Variants in FOXP2 observed in about 807,000 individuals in gnomAD.
FOXP2 encodes the protein forkhead box P2, also known as forkhead box protein P2.
FOXP2 carries 12 observed loss-of-function variants against 115.8 expected under a neutral mutation model. That is an observed-to-expected ratio of 0.10 (90% CI 0.07 to 0.17). FOXP2 has a LOEUF of 0.17. Ranked by LOEUF, FOXP2 falls within the 10% of genes least tolerant of loss-of-function variation. The pLI, the probability that FOXP2 is intolerant of heterozygous loss-of-function variation, is 1.00. For synonymous variants in FOXP2, 328 were observed against 297.7 expected (o/e 1.10, Z -1.05); for missense variants, 629 against 843.5 (o/e 0.75, Z 3.15).
intron 3 of FOXP2, among the ~76,000 whole-genome samples, chr7:114,598,319 TGTG>T (rs1401157886): frequency 6.6e-6 from 1 of 151,988 alleles, no homozygotes; most frequent in African/African-American, 2.4e-5. Flanking sequence ...TGAGGATAAA[TGTG>T]GTGCTTTTTT....
intron 1 of FOXP2, among the ~76,000 whole-genome samples, chr7:114,192,453 C>G (rs914654707): frequency 3.9e-5 from 6 of 152,118 alleles, no homozygotes; most frequent in Non-Finnish European, 7.4e-5. Context: ...GTCTCACATT[C>G]TTGTGTAGGT....
chr7:114,389,694 T>G (rs1176082860), intron 2 of FOXP2, among the ~76,000 whole-genome samples: 2 of 152,102 alleles, frequency 1.3e-5, no homozygotes, highest in African/African-American at 4.8e-5. Context: ...ATAATGAGAC[T>G]AAACCATGAA....
intron 10 of FOXP2, among the ~76,000 whole-genome samples, chr7:114,657,858 A>T (rs1351835353): frequency 2.0e-5 from 3 of 152,150 alleles, no homozygotes; most frequent in Admixed American, 6.6e-5. Context: ...ATTGCAGTAG[A>T]TTATTAGATA....
chr7:114,339,436 AGTTC>A (rs1004675967), intron 2 of FOXP2, among the ~76,000 whole-genome samples: 4 of 151,134 alleles, frequency 2.6e-5, no homozygotes, highest in Non-Finnish European at 4.5e-5. Flanking sequence ...TTTTTTTAGA[AGTTC>A]GACAGATGAT....
intron 1 of FOXP2, among the ~76,000 whole-genome samples, chr7:114,125,528 A>G (rs1210927675): frequency 6.6e-6 from 1 of 152,102 alleles, no homozygotes; most frequent in Non-Finnish European, 1.5e-5. Context: ...CCCAGCATAG[A>G]AGTTTTCAGG....
At chr7:114,643,647 G>T (rs543358777) in intron 7 of FOXP2, among the ~76,000 whole-genome samples, 79 of 152,178 alleles carry the variant, frequency 5.2e-4, no homozygotes, top group African/African-American at 1.9e-3. Flanking sequence ...TTGTCCTTTA[G>T]CTCCATTTAT....
chr7:114,228,238 C>T (rs1173188894), intron 1 of FOXP2, among the ~76,000 whole-genome samples: 1 of 151,874 alleles, frequency 6.6e-6, no homozygotes, highest in Non-Finnish European at 1.5e-5. Flanking sequence ...ATGAGTGTTG[C>T]TGGAAAGACC....
chr7:114,386,350 A>G (rs950143502), intron 2 of FOXP2, among the ~76,000 whole-genome samples: 1 of 152,238 alleles, frequency 6.6e-6, no homozygotes, highest in East Asian at 1.9e-4. Context: ...TTTTAAAAAA[A>G]TTTTAAGCTT....
chr7:114,102,357 G>A (rs1790991538), intron 1 of FOXP2, among the ~76,000 whole-genome samples: 1 of 151,848 alleles, frequency 6.6e-6, no homozygotes, highest in African/African-American at 2.4e-5. Flanking sequence ...GACAGGAGTT[G>A]ATGAAATTTT....
At chr7:114,222,333 T>G (rs1794645836) in intron 1 of FOXP2, among the ~76,000 whole-genome samples, 1 of 152,040 alleles carries the variant, frequency 6.6e-6, no homozygotes, top group Non-Finnish European at 1.5e-5. Flanking sequence ...TTTTTTAATT[T>G]TTTGTAGAGT....
chr7:114,161,502 T>C (rs1440257980), upstream of FOXP2, among the ~76,000 whole-genome samples: 1 of 149,540 alleles, frequency 6.7e-6, no homozygotes, highest in African/African-American at 2.5e-5. Context: ...GATATAGATG[T>C]TTTTTGGCTT....
intron 1 of FOXP2, among the ~76,000 whole-genome samples, chr7:114,198,125 A>G (rs1210110538): frequency 2.0e-5 from 3 of 151,968 alleles, no homozygotes; most frequent in African/African-American, 7.3e-5. Context: ...CAGCCTCCCA[A>G]AGTTCTGGGA....
intron 2 of FOXP2, among the ~76,000 whole-genome samples, chr7:114,352,098 T>A (rs1288860269): frequency 1.3e-5 from 2 of 149,648 alleles, no homozygotes; most frequent in Non-Finnish European, 3.0e-5. Flanking sequence ...CAAAATGCCA[T>A]CTCTAACAAA....
chr7:114,378,666 A>C (rs1792200129), intron 2 of FOXP2, among the ~76,000 whole-genome samples: 1 of 102,942 alleles, frequency 9.7e-6, no homozygotes, highest in Non-Finnish European at 2.0e-5. Flanking sequence ...CCTGTGAGAC[A>C]ATGTAAGACC....
chr7:114,466,458 C>T (rs1439060699), intron 2 of FOXP2, among the ~76,000 whole-genome samples: 1 of 152,162 alleles, frequency 6.6e-6, no homozygotes, highest in African/African-American at 2.4e-5. Context: ...TTTTCAAGAC[C>T]TTGTGCCACC....
At chr7:114,394,809 T>G (rs533008963) in intron 2 of FOXP2, among the ~76,000 whole-genome samples, 1 of 152,202 alleles carries the variant, frequency 6.6e-6, no homozygotes, top group Admixed American at 6.5e-5. Flanking sequence ...CTGAAGGAAC[T>G]GTTCGAGACT....
intron 1 of FOXP2, among the ~76,000 whole-genome samples, chr7:114,120,950 G>A (rs1791546560): frequency 6.6e-6 from 1 of 151,914 alleles, no homozygotes; most frequent in South Asian, 2.1e-4. Context: ...GACAGGGAGG[G>A]GGAAGAATAC....
At chr7:114,637,438 AG>A in intron 6 of FOXP2, among the ~76,000 whole-genome samples, 1 of 152,272 alleles carries the variant, frequency 6.6e-6, no homozygotes, top group South Asian at 2.1e-4. Flanking sequence ...TCTTCACTTA[AG>A]ATAAAAGTTG....
chr7:114,310,940 T>C (rs1797134101), intron 2 of FOXP2, among the ~76,000 whole-genome samples: 1 of 152,194 alleles, frequency 6.6e-6, no homozygotes, highest in African/African-American at 2.4e-5. Flanking sequence ...TGAGCCTTTA[T>C]ATGTTGACAT....
Sources: allele counts gnomAD v4.1 joint callset (sites outside exome capture counted in the v4.1 genomes callset), GRCh38; gene constraint gnomAD v4.1.1; transcripts MANE v1.5; gene names NCBI Gene and HGNC (gene_info 2026-07-23, HGNC 2026-07-21).